TAFA2: variants seen among roughly 807,000 people sequenced by gnomAD.
TAFA2 encodes the protein TAFA chemokine like family member 2.
In TAFA2, 7 loss-of-function variants were observed where a neutral mutation model predicts 18.8. The observed-to-expected ratio is 0.37, with a 90% CI of 0.21 to 0.70. The LOEUF (loss-of-function observed/expected upper bound fraction) is 0.70, where lower values mean the gene tolerates loss of function less well. Among genes scored for constraint, TAFA2 ranks in the 30% least tolerant of loss-of-function variants. The pLI, the probability that TAFA2 is intolerant of heterozygous loss-of-function variation, is 0.53. For missense variants in TAFA2, 122 were observed against 158.1 expected, an observed-to-expected ratio of 0.77 and a Z score of 1.23; for synonymous variants, 60 against 54.2, an observed-to-expected ratio of 1.11 and a Z score of -0.47.
chr12:62,193,429 A>T (rs1401735149), upstream of TAFA2, among the ~76,000 whole-genome samples: 1 of 152,204 alleles, frequency 6.6e-6, no homozygotes, highest in East Asian at 1.9e-4. Context: ...TATAGCTGTG[A>T]TTCACTGAAA....
chr12:61,884,142 G>T (rs1460159336), intron 1 of TAFA2, among the ~76,000 whole-genome samples: 1 of 152,152 alleles, frequency 6.6e-6, no homozygotes, highest in African/African-American at 2.4e-5. Context: ...AGTATGAATG[G>T]CAAGTAATCT....
chr12:61,723,993 A>G (rs1018795315), intron 4 of TAFA2, among the ~76,000 whole-genome samples: 15 of 152,088 alleles, frequency 9.9e-5, no homozygotes, highest in African/African-American at 2.2e-4. Context: ...AATAGCATCA[A>G]ATTTCCTGTA....
At chr12:62,153,668 CAA>C (rs58786792) in intron 1 of TAFA2, among the ~76,000 whole-genome samples, 1 of 140,702 alleles carries the variant, frequency 7.1e-6, no homozygotes, top group Admixed American at 7.1e-5. Context: ...GACCTTGTCT[CAA>C]AAAAAAAAAG....
intron 1 of TAFA2, among the ~76,000 whole-genome samples, chr12:62,180,478 C>G (rs957230321): frequency 3.9e-5 from 6 of 152,140 alleles, no homozygotes; most frequent in Admixed American, 1.3e-4. Context: ...CTAATATATA[C>G]AGTTATAATC....
At chr12:61,990,462 C>T (rs1006614019) in intron 1 of TAFA2, among the ~76,000 whole-genome samples, 2 of 151,220 alleles carry the variant, frequency 1.3e-5, no homozygotes, top group African/African-American at 4.9e-5. Context: ...GCCTCAGCCT[C>T]CCGAGTAGCT....
intron 1 of TAFA2, among the ~76,000 whole-genome samples, chr12:61,938,001 T>C (rs762550668): frequency 6.6e-6 from 1 of 151,898 alleles, no homozygotes; most frequent in Middle Eastern, 3.2e-3. Flanking sequence ...ATGGCATGAA[T>C]AGAATTTCTC....
At chr12:61,807,040 T>A (rs1158474674) in intron 2 of TAFA2, among the ~76,000 whole-genome samples, 2 of 151,794 alleles carry the variant, frequency 1.3e-5, no homozygotes, top group African/African-American at 4.9e-5. Context: ...GAAATTTCCA[T>A]AAGTAACAAG....
chr12:62,240,995 T>C (rs1388790567), intron 1 of TAFA2, among the ~76,000 whole-genome samples: 1 of 152,182 alleles, frequency 6.6e-6, no homozygotes, highest in Non-Finnish European at 1.5e-5. Flanking sequence ...GGAAAAATTG[T>C]CCTCCAGGAA....
chr12:62,220,768 T>C (rs1483292661), intron 1 of TAFA2, among the ~76,000 whole-genome samples: 1 of 151,934 alleles, frequency 6.6e-6, no homozygotes. Context: ...AAAAATAGTC[T>C]ATTTAGAGAG....
intron 2 of TAFA2, among the ~76,000 whole-genome samples, chr12:61,850,079 A>G (rs972136384): frequency 2.6e-5 from 4 of 152,166 alleles, no homozygotes; most frequent in Admixed American, 1.3e-4. Flanking sequence ...GAACTGGTTC[A>G]TAAAAGGTGA....
chr12:62,222,461 A>G (rs979597995), intron 1 of TAFA2, among the ~76,000 whole-genome samples: 1 of 152,096 alleles, frequency 6.6e-6, no homozygotes, highest in African/African-American at 2.4e-5. Flanking sequence ...TGGCCCACAC[A>G]TTTTACCATG....
intron 1 of TAFA2, among the ~76,000 whole-genome samples, chr12:62,178,775 G>T (rs555618827): frequency 6.6e-6 from 1 of 152,194 alleles, no homozygotes; most frequent in Non-Finnish European, 1.5e-5. Flanking sequence ...TTTTTATTAT[G>T]TTGGACAGTA....
At chr12:61,836,894 A>G (rs562254803) in intron 2 of TAFA2, among the ~76,000 whole-genome samples, 15 of 151,002 alleles carry the variant, frequency 9.9e-5, no homozygotes, top group African/African-American at 3.1e-4. Context: ...TTTATTCCTT[A>G]TTGATTTGAA....
At chr12:62,020,225 A>G (rs1035449943) in intron 1 of TAFA2, among the ~76,000 whole-genome samples, 1 of 152,226 alleles carries the variant, frequency 6.6e-6, no homozygotes, top group African/African-American at 2.4e-5. Flanking sequence ...GGAGAAACAC[A>G]AGAAAGACAA....
intron 1 of TAFA2, among the ~76,000 whole-genome samples, chr12:61,892,455 G>A (rs1174572398): frequency 1.3e-5 from 2 of 152,142 alleles, no homozygotes; most frequent in African/African-American, 2.4e-5. Context: ...TAAAATATAA[G>A]ACATCCAGTC....
intron 1 of TAFA2, among the ~76,000 whole-genome samples, chr12:62,001,804 CA>C (rs1211149553): frequency 6.6e-6 from 1 of 151,926 alleles, no homozygotes; most frequent in Non-Finnish European, 1.5e-5. Flanking sequence ...AAAAGTAAAT[CA>C]AAAAATTATA....
chr12:62,202,608 C>T (rs756192466), intron 1 of TAFA2, among the ~76,000 whole-genome samples: 6 of 152,040 alleles, frequency 3.9e-5, no homozygotes, highest in Non-Finnish European at 1.5e-5. Context: ...AGGCGTGAGC[C>T]ACTGTGCCCG....
At chr12:61,902,829 C>T (rs748224976) in intron 1 of TAFA2, among the ~76,000 whole-genome samples, 18 of 152,104 alleles carry the variant, frequency 1.2e-4, no homozygotes, top group Non-Finnish European at 2.2e-4. Context: ...TAGAGTGATG[C>T]ATTTTCATCC....
intron 1 of TAFA2, among the ~76,000 whole-genome samples, chr12:62,237,939 T>A (rs780918480): frequency 6.6e-6 from 1 of 152,224 alleles, no homozygotes; most frequent in Non-Finnish European, 1.5e-5. Flanking sequence ...ACAGCCAATC[T>A]GCTTTTACGT....
Sources: allele counts gnomAD v4.1 joint callset (sites outside exome capture counted in the v4.1 genomes callset), GRCh38; gene constraint gnomAD v4.1.1; transcripts MANE v1.5; gene names NCBI Gene and HGNC (gene_info 2026-07-23, HGNC 2026-07-21).